P4HA1: variants seen among roughly 807,000 people sequenced by gnomAD.
P4HA1 encodes the protein prolyl 4-hydroxylase subunit alpha 1.
A neutral mutation model predicts 72.8 loss-of-function variants in P4HA1; 24 were observed. The ratio of observed to expected loss-of-function variants is 0.33; its 90% CI spans 0.24 to 0.46. P4HA1 has a LOEUF of 0.46. Among genes scored for constraint, P4HA1 ranks in the 20% least tolerant of loss-of-function variants. The probability of loss-of-function intolerance (pLI) is 1.00; values close to 1 mark genes in which losing one functional copy is unlikely to be tolerated. For synonymous variants in P4HA1, 201 were observed against 218.8 expected, an observed-to-expected ratio of 0.92 and a Z score of 0.72; for missense variants, 446 against 640.6, an observed-to-expected ratio of 0.70 and a Z score of 3.28.
chr10:73,058,901 C>T (rs1191013934), intron 5 of P4HA1, among the ~76,000 whole-genome samples: 1 of 151,816 alleles, frequency 6.6e-6, no homozygotes, highest in African/African-American at 2.4e-5. Flanking sequence ...CCTCACCCTC[C>T]TGAGTAGCTG....
intron 11 of P4HA1, among the ~76,000 whole-genome samples, chr10:73,015,507 A>G (rs1222995702): frequency 6.6e-6 from 1 of 152,192 alleles, no homozygotes; most frequent in East Asian, 1.9e-4. Context: ...CTCCCCTATC[A>G]TACACACTAT....
intron 4 of P4HA1, 65 bp from the exon 5 acceptor site, chr10:73,069,048 T>C: frequency 4.2e-6 from 5 of 1,191,272 alleles, no homozygotes; most frequent in Non-Finnish European, 6.1e-6. Context: ...TAAAGAGACT[T>C]AATAAGGATT....
At position 73,068,834 on chromosome 10, in the gene P4HA1, G is replaced by GAAT; in HGVS notation, c.463+9_463+11dup. 1 of 1,607,246 alleles carries GAAT rather than the reference G, an allele frequency of 6.2e-7. No individual in the cohort carries two copies. The highest frequency in any genetic ancestry group is 8.5e-7 in the Non-Finnish European group (1 of 1,174,084). On this transcript the variant is annotated intron_variant, in intron 5 of 14. Transcript: ENST00000394890. ...GTGATAGGTATTTTATAGAATGGAA[G>GAAT]AATGATCTTACCTGGAAGATTACCC...
intron 11 of P4HA1, among the ~76,000 whole-genome samples, chr10:73,014,702 C>A (rs1443167129): frequency 6.6e-6 from 1 of 152,014 alleles, no homozygotes; most frequent in Non-Finnish European, 1.5e-5. Flanking sequence ...CAAATACCCA[C>A]AATTTTAGCT....
chr10:73,050,960 G>C (rs1393192362), intron 7 of P4HA1, 93 bp downstream of exon 7: 6 of 919,420 alleles, frequency 6.5e-6, no homozygotes, highest in Non-Finnish European at 1.0e-5. Context: ...TATCACATAG[G>C]CTTAAATATA....
At chr10:73,049,872 G>A (rs1840972546) in intron 7 of P4HA1, among the ~76,000 whole-genome samples, 1 of 152,096 alleles carries the variant, frequency 6.6e-6, no homozygotes, top group African/African-American at 2.4e-5. Flanking sequence ...TCTAATTAAG[G>A]CTGCTGAACA....
chr10:73,058,120 G>A (rs79981032), intron 5 of P4HA1, among the ~76,000 whole-genome samples: 2,401 of 124,090 alleles, frequency 0.019, 87 homozygotes, highest in African/African-American at 0.08. Context: ...AAAAAAAAAA[G>A]GTGAATAAAG....
At chr10:73,077,017 C>T (rs1344698683) in intron 1 of P4HA1, among the ~76,000 whole-genome samples, 1 of 152,218 alleles carries the variant, frequency 6.6e-6, no homozygotes, top group African/African-American at 2.4e-5. Context: ...CTGCAAACTT[C>T]CAGTTACTTC....
chr10:73,085,922 G>C (rs1307519688), intron 1 of P4HA1, among the ~76,000 whole-genome samples: 22 of 152,148 alleles, frequency 1.4e-4, no homozygotes, highest in Admixed American at 1.4e-3. Context: ...GAGTCTAGGA[G>C]TTTGAGCATA....
chr10:73,017,600 C>T (rs1034636235), intron 10 of P4HA1, among the ~76,000 whole-genome samples: 7 of 151,772 alleles, frequency 4.6e-5, no homozygotes, highest in African/African-American at 1.2e-4. Flanking sequence ...ATGCTGAACT[C>T]GCAATCCACT....
At chr10:73,082,718 A>G (rs924084752) in intron 1 of P4HA1, 3 of 151,692 alleles carry the variant, frequency 2.0e-5, no homozygotes, top group African/African-American at 7.3e-5. Context: ...ATTTTTCCTC[A>G]TACAGATCCC....
intron 1 of P4HA1, among the ~76,000 whole-genome samples, chr10:73,096,508 G>A (rs553975414): frequency 5.3e-5 from 8 of 152,294 alleles, no homozygotes; most frequent in Non-Finnish European, 8.8e-5. Flanking sequence ...TGAGGCTGCA[G>A]CAGCCCCAGC....
At chr10:73,074,025 T>C in intron 2 of P4HA1, 198 bp from the exon 3 acceptor site, 2 of 552,132 alleles carry the variant, frequency 3.6e-6, no homozygotes, top group South Asian at 2.1e-5. Flanking sequence ...GTTCCAGTTC[T>C]AATTTTTAAG....
At chr10:73,065,096 T>C (rs575383993) in intron 5 of P4HA1, 1 of 152,326 alleles carries the variant, frequency 6.6e-6, no homozygotes, top group East Asian at 1.9e-4. Flanking sequence ...CTGTTTGCTA[T>C]AGTTACCTTA....
chr10:73,040,247 A>C (rs1028359061), intron 9 of P4HA1, among the ~76,000 whole-genome samples: 1 of 152,100 alleles, frequency 6.6e-6, no homozygotes, highest in African/African-American at 2.4e-5. Context: ...CAAAAATCCA[A>C]TAAAACTGCT....
intron 5 of P4HA1, among the ~76,000 whole-genome samples, chr10:73,055,326 T>C (rs1841117208): frequency 6.6e-6 from 1 of 152,180 alleles, no homozygotes; most frequent in Non-Finnish European, 1.5e-5. Context: ...TGCCTCAGCC[T>C]CCCACGTAGC....
intron 3 of P4HA1, among the ~76,000 whole-genome samples, chr10:73,072,524 C>A (rs982040440): frequency 1.3e-5 from 2 of 152,122 alleles, no homozygotes; most frequent in Non-Finnish European, 2.9e-5. Context: ...TTACAAACTA[C>A]AAATTAGCCC....
At chr10:73,030,812 A>G (rs1840416533) in intron 9 of P4HA1, among the ~76,000 whole-genome samples, 1 of 152,218 alleles carries the variant, frequency 6.6e-6, no homozygotes, top group Non-Finnish European at 1.5e-5. Context: ...AATTCTGCTT[A>G]CTGCTTAAGT....
At chr10:73,034,590 T>G (rs1407550236) in intron 9 of P4HA1, among the ~76,000 whole-genome samples, 1 of 151,538 alleles carries the variant, frequency 6.6e-6, no homozygotes, top group Admixed American at 6.6e-5. Flanking sequence ...GTGTGGTTTT[T>G]TTTTTTTTTT....
Sources: gnomAD v4.1 joint callset for allele counts (sites outside exome capture counted in the v4.1 genomes callset) on GRCh38, gnomAD v4.1.1 for gene constraint, MANE v1.5 for transcripts, NCBI Gene and HGNC (gene_info 2026-07-23, HGNC 2026-07-21) for gene names.